The following BICD1 variants were observed in gnomAD, a reference collection of about 807,000 sequenced individuals.
BICD1 encodes protein bicaudal D homolog 1.
In BICD1, 35 loss-of-function variants were observed where a neutral mutation model predicts 92.5. That is an observed-to-expected ratio of 0.38 (90% CI 0.29 to 0.50). BICD1 has a LOEUF of 0.50. BICD1 is among the 20% of genes least tolerant of loss of function. The pLI, the probability that BICD1 is intolerant of heterozygous loss-of-function variation, is 0.93. For missense variants in BICD1, 950 were observed against 1,189.8 expected, an observed-to-expected ratio of 0.80 and a Z score of 2.97; for synonymous variants, 429 against 465.1, an observed-to-expected ratio of 0.92 and a Z score of 1.00.
intron 2 of BICD1, among the ~76,000 whole-genome samples, chr12:32,224,602 T>C (rs1433857755): frequency 6.6e-6 from 1 of 152,280 alleles, no homozygotes; most frequent in Non-Finnish European, 1.5e-5. Flanking sequence ...TGTGATTTGA[T>C]TATGCTTTTG....
At chr12:32,371,744 C>T (rs540371771) in intron 9 of BICD1, among the ~76,000 whole-genome samples, 10 of 152,190 alleles carry the variant, frequency 6.6e-5, no homozygotes, top group South Asian at 2.1e-4. Context: ...TGTGCCACCA[C>T]ACCCAGCTAA....
In BICD1 at chr12:32,126,718, C is replaced by T. The variant is rs986844379; in HGVS notation, c.213+19174C>T. Among the ~76,000 whole-genome samples, 8 of 151,880 alleles carry T rather than the reference C, an allele frequency of 5.3e-5. 1 individual carries two copies. The highest frequency in any genetic ancestry group is 1.3e-4 in the Admixed American group (2 of 15,260). On this transcript the variant is annotated intron_variant, in intron 1 of 9. Coordinates refer to ENST00000652176, the MANE Select transcript of BICD1 (RefSeq NM_001714.4). Reference sequence around the variant, plus strand: ...GTTGCAGTGAGCCGAGATCAGATCACGCCACTGCACTCTAGCCTGGGCGAC... The same window carrying T: ...GTTGCAGTGAGCCGAGATCAGATCATGCCACTGCACTCTAGCCTGGGCGAC...
chr12:32,262,477 T>C (rs994736088), intron 2 of BICD1, among the ~76,000 whole-genome samples: 1 of 152,120 alleles, frequency 6.6e-6, no homozygotes, highest in East Asian at 1.9e-4. Flanking sequence ...AAGGTGAGTA[T>C]AGTAGATTGC....
chr12:32,223,869 A>G (rs1423697837), intron 2 of BICD1, among the ~76,000 whole-genome samples: 1 of 152,224 alleles, frequency 6.6e-6, no homozygotes, highest in Non-Finnish European at 1.5e-5. Context: ...AGGCCCAAGG[A>G]GAAAGAGATG....
chr12:32,133,567 A>G (rs1309991919), intron 1 of BICD1, among the ~76,000 whole-genome samples: 1 of 152,084 alleles, frequency 6.6e-6, no homozygotes, highest in Non-Finnish European at 1.5e-5. Flanking sequence ...AACAAGCAGC[A>G]TTCTATAGTT....
chr12:32,169,453 T>G (rs1459131126), intron 1 of BICD1, among the ~76,000 whole-genome samples: 1 of 152,086 alleles, frequency 6.6e-6, no homozygotes, highest in African/African-American at 2.4e-5. Context: ...AATTTTTTTT[T>G]TCTTAGTAGA....
intron 1 of BICD1, among the ~76,000 whole-genome samples, chr12:32,161,410 A>G (rs1039297985): frequency 2.0e-5 from 3 of 152,210 alleles, no homozygotes; most frequent in African/African-American, 7.2e-5. Context: ...TCTTTAGGAG[A>G]GAACAGTTTT....
intron 2 of BICD1, among the ~76,000 whole-genome samples, chr12:32,277,954 A>G (rs1947319566): frequency 2.6e-5 from 4 of 152,164 alleles, no homozygotes; most frequent in Admixed American, 2.6e-4. Flanking sequence ...ACCTCTTCTC[A>G]ATAAAAGTCT....
At chr12:32,232,957 C>T (rs891555087) in intron 2 of BICD1, among the ~76,000 whole-genome samples, 1 of 152,092 alleles carries the variant, frequency 6.6e-6, no homozygotes, top group Non-Finnish European at 1.5e-5. Context: ...TGTCATTAAG[C>T]CAGCGCCAAA....
At chr12:32,220,512 A>G (rs1383829791) in intron 2 of BICD1, among the ~76,000 whole-genome samples, 2 of 151,694 alleles carry the variant, frequency 1.3e-5, no homozygotes, top group African/African-American at 4.8e-5. Context: ...ATCACTGGCC[A>G]TCAGAGAAAT....
At chr12:32,221,569 A>C (rs261881) in intron 2 of BICD1, among the ~76,000 whole-genome samples, 105,928 of 151,182 alleles carry the variant, frequency 0.7, 37,653 homozygotes, top group East Asian at 0.89. Context: ...CTGTCCCTAG[A>C]TGCTTGGGAG....
chr12:32,306,212 T>A, intron 4 of BICD1, 90 bp downstream of exon 4: 1 of 1,244,370 alleles, frequency 8.0e-7, no homozygotes, highest in Non-Finnish European at 1.1e-6. Context: ...ATTTCACTTC[T>A]AGATTTCTTT....
chr12:32,292,037 C>T (rs1379572913), intron 2 of BICD1, among the ~76,000 whole-genome samples: 1 of 152,178 alleles, frequency 6.6e-6, no homozygotes, highest in East Asian at 1.9e-4. Context: ...TAGTTTTGCC[C>T]AGGTATTCTT....
intron 1 of BICD1, among the ~76,000 whole-genome samples, chr12:32,197,810 C>T (rs147609013): frequency 1.6e-4 from 25 of 152,190 alleles, no homozygotes; most frequent in African/African-American, 5.5e-4. Context: ...CCAGTATGCC[C>T]GAGTTTTACA....
At chr12:32,111,602 T>A (rs1040030972) in intron 1 of BICD1, among the ~76,000 whole-genome samples, 15 of 152,010 alleles carry the variant, frequency 9.9e-5, no homozygotes, top group African/African-American at 3.6e-4. Flanking sequence ...GTTTTTATTT[T>A]TTTATTTTAT....
chr12:32,197,367 T>C (rs1482935918), intron 1 of BICD1, among the ~76,000 whole-genome samples: 1 of 152,158 alleles, frequency 6.6e-6, no homozygotes, highest in East Asian at 1.9e-4. Flanking sequence ...TTATTCTACC[T>C]AGAAGCTAAA....
At chr12:32,130,335 C>G (rs1298137177) in intron 1 of BICD1, among the ~76,000 whole-genome samples, 1 of 152,046 alleles carries the variant, frequency 6.6e-6, no homozygotes. Flanking sequence ...TCCCAAGTAG[C>G]TGGGACTACA....
At chr12:32,183,275 T>C (rs1243238726) in intron 1 of BICD1, among the ~76,000 whole-genome samples, 2 of 150,254 alleles carry the variant, frequency 1.3e-5, no homozygotes, top group African/African-American at 4.9e-5. Flanking sequence ...TTTTTTTTTT[T>C]TTTTTTTAGT....
At chr12:32,253,624 T>C (rs1175508889) in intron 2 of BICD1, among the ~76,000 whole-genome samples, 1 of 152,194 alleles carries the variant, frequency 6.6e-6, no homozygotes, top group Non-Finnish European at 1.5e-5. Context: ...ATGACAGAAA[T>C]AATTCCTTAG....
Sources: allele counts gnomAD v4.1 joint callset (sites outside exome capture counted in the v4.1 genomes callset), GRCh38; gene constraint gnomAD v4.1.1; transcripts MANE v1.5; gene names NCBI Gene and HGNC (gene_info 2026-07-23, HGNC 2026-07-21).